SHLD1: variants seen among roughly 807,000 people sequenced by gnomAD.
SHLD1 encodes shieldin complex subunit 1.
Under a neutral mutation model 5.5 loss-of-function variants are expected in SHLD1, and 3 were observed. The ratio of observed to expected loss-of-function variants is 0.54; its 90% CI spans 0.25 to 1.40. The LOEUF (loss-of-function observed/expected upper bound fraction) is 1.40. Among genes scored for constraint, SHLD1 ranks in the 40% most tolerant of loss-of-function variants. The pLI, the probability that SHLD1 is intolerant of heterozygous loss-of-function variation, is 0.15. For missense variants in SHLD1, 210 were observed against 244.4 expected (o/e 0.86, Z 0.94); for synonymous variants, 92 against 94.3 (o/e 0.98, Z 0.14).
At chr20:5,838,153 C>T (rs1600168729) in intron 2 of SHLD1, among the ~76,000 whole-genome samples, 1 of 152,256 alleles carries the variant, frequency 6.6e-6, no homozygotes, top group South Asian at 2.1e-4. Flanking sequence ...AGGGAAGCAC[C>T]TGTGTATCTG....
chr20:5,803,233 A>G (rs2087323304), intron 2 of SHLD1, among the ~76,000 whole-genome samples: 1 of 151,932 alleles, frequency 6.6e-6, no homozygotes, highest in Non-Finnish European at 1.5e-5. Flanking sequence ...TGGCGTGATC[A>G]TAACTCACTG....
At chr20:5,824,583 C>T (rs867653278) in intron 2 of SHLD1, among the ~76,000 whole-genome samples, 1 of 150,332 alleles carries the variant, frequency 6.7e-6, no homozygotes, top group Non-Finnish European at 1.5e-5. Flanking sequence ...ATTATTATTT[C>T]TCTTCTATGA....
At chr20:5,791,775 T>C (rs1040122944) in intron 2 of SHLD1, among the ~76,000 whole-genome samples, 1 of 152,042 alleles carries the variant, frequency 6.6e-6, no homozygotes, top group Non-Finnish European at 1.5e-5. Flanking sequence ...TGTAAAGAAC[T>C]CTCAAAACTC....
intron 1 of SHLD1, among the ~76,000 whole-genome samples, chr20:5,756,238 C>T (rs1984091119): frequency 6.6e-6 from 1 of 151,678 alleles, no homozygotes; most frequent in Non-Finnish European, 1.5e-5. Flanking sequence ...ATTGCTTGGG[C>T]CTAGGAGTTT....
intron 2 of SHLD1, among the ~76,000 whole-genome samples, chr20:5,802,692 G>C (rs1212827749): frequency 6.6e-6 from 1 of 151,498 alleles, no homozygotes; most frequent in Non-Finnish European, 1.5e-5. Flanking sequence ...TGTTGCTCAG[G>C]CTGGAGTGCA....
At chr20:5,842,414 C>T (rs2087875328) in intron 2 of SHLD1, among the ~76,000 whole-genome samples, 1 of 152,172 alleles carries the variant, frequency 6.6e-6, no homozygotes, top group Non-Finnish European at 1.5e-5. Context: ...TGTCTTAACT[C>T]CTTCACCATT....
At chr20:5,761,754 C>T (rs1301082269) in intron 1 of SHLD1, among the ~76,000 whole-genome samples, 4 of 151,304 alleles carry the variant, frequency 2.6e-5, no homozygotes, top group African/African-American at 9.7e-5. Context: ...ATTACAGGTG[C>T]ACGCCACCGC....
At chr20:5,830,756 A>T (rs2087719955) in intron 2 of SHLD1, among the ~76,000 whole-genome samples, 1 of 151,404 alleles carries the variant, frequency 6.6e-6, no homozygotes, top group Non-Finnish European at 1.5e-5. Context: ...AATAGTTGAA[A>T]GGAGGCAAAA....
chr20:5,779,482 G>T (rs1199410735), intron 2 of SHLD1, among the ~76,000 whole-genome samples: 3 of 152,124 alleles, frequency 2.0e-5, no homozygotes, highest in Non-Finnish European at 4.4e-5. Context: ...GGAGGCTCTT[G>T]CCGACATTTT....
At chr20:5,799,421 C>T (rs2087259380) in intron 2 of SHLD1, among the ~76,000 whole-genome samples, 1 of 151,790 alleles carries the variant, frequency 6.6e-6, no homozygotes, top group Non-Finnish European at 1.5e-5. Flanking sequence ...CTATCTTGGC[C>T]CCCCAAGTAG....
chr20:5,843,925 A>G (rs551175658), intron 2 of SHLD1, among the ~76,000 whole-genome samples: 1 of 152,324 alleles, frequency 6.6e-6, no homozygotes, highest in South Asian at 2.1e-4. Context: ...TCCCAAACCC[A>G]TCTTTCTCTG....
intron 2 of SHLD1, among the ~76,000 whole-genome samples, chr20:5,775,214 T>A (rs7272833): frequency 0.25 from 38,216 of 151,690 alleles, 4,912 homozygotes; most frequent in Middle Eastern, 0.33. Flanking sequence ...TTTTTTTTTT[T>A]AATTTTTTTG....
chr20:5,844,541 C>T (rs2087903870), intron 2 of SHLD1, among the ~76,000 whole-genome samples: 1 of 152,066 alleles, frequency 6.6e-6, no homozygotes, highest in African/African-American at 2.4e-5. Context: ...TTTCTGCCCA[C>T]ACTAGGATCA....
rs1275292998 is a variant in SHLD1 at position 5,863,378 on chromosome 20, CT to C, written c.536del (p.Leu179TrpfsTer23). The C allele has an allele frequency of 6.2e-7, 1 of 1,614,198 alleles. No homozygotes were observed. Among genetic ancestry groups the C allele is most frequent in the South Asian group, 1.1e-5 (1 of 91,080 alleles). On this transcript the variant is annotated frameshift_variant, in exon 3 of 3. Coordinates refer to ENST00000303142, the MANE Select transcript of SHLD1 (RefSeq NM_152504.4). LOFTEE classifies it low-confidence loss of function (END_TRUNC). The part of the protein sequence containing the change: ...HFYPLEEGST[S>X]LDDEKPNPGL... The stretch of plus-strand genomic sequence containing the variant: ...TACCCACTGGAGGAAGGAAGTACAT[CT>C]TTGGATGATGAAAAGCCAAACCCAG...
chr20:5,857,344 G>A (rs1358119700), intron 2 of SHLD1, among the ~76,000 whole-genome samples: 1 of 152,146 alleles, frequency 6.6e-6, no homozygotes, highest in African/African-American at 2.4e-5. Context: ...AGCCACACAA[G>A]CCCAGGGAGC....
At chr20:5,825,182 G>T in intron 2 of SHLD1, among the ~76,000 whole-genome samples, 1 of 152,200 alleles carries the variant, frequency 6.6e-6, no homozygotes, top group Non-Finnish European at 1.5e-5. Flanking sequence ...ACCTGCCTTT[G>T]CTGCAGAGTG....
At chr20:5,819,109 G>A (rs113376719) in intron 2 of SHLD1, among the ~76,000 whole-genome samples, 1 of 151,970 alleles carries the variant, frequency 6.6e-6, no homozygotes, top group African/African-American at 2.4e-5. Context: ...TGATCTGCCC[G>A]CCTCAGCCTC....
intron 1 of SHLD1, among the ~76,000 whole-genome samples, chr20:5,755,940 T>C (rs541888466): frequency 1.3e-5 from 2 of 152,292 alleles, no homozygotes; most frequent in South Asian, 2.1e-4. Context: ...AAAGAAAATA[T>C]GTTTTGGGGT....
chr20:5,863,091 T>C lies in SHLD1; in HGVS notation c.246T>C (p.Ala82=), dbSNP rs2088184020. Residue 82 remains alanine (A), a synonymous_variant, in exon 3 of 3, where the codon GCT becomes GCC. Coordinates refer to ENST00000303142, the MANE Select transcript of SHLD1 (RefSeq NM_152504.4). ...WTAENFWLDP[A]VKGQSEKEED... Reference sequence around the variant, plus strand: ...CTGAGAACTTCTGGCTTGACCCTGCTGTGAAAGGCCAGTCAGAGAAGGAAG... The same window carrying C: ...CTGAGAACTTCTGGCTTGACCCTGCCGTGAAAGGCCAGTCAGAGAAGGAAG... 1 of 1,614,202 alleles carries C rather than the reference T, an allele frequency of 6.2e-7. No homozygotes were observed. Among genetic ancestry groups the C allele is most frequent in the African/African-American group, 1.3e-5 (1 of 75,066 alleles).
Sources: allele counts gnomAD v4.1 joint callset (sites outside exome capture counted in the v4.1 genomes callset), GRCh38; gene constraint gnomAD v4.1.1; transcripts MANE v1.5; gene names NCBI Gene and HGNC (gene_info 2026-07-23, HGNC 2026-07-21).